NRG3: variants seen among roughly 807,000 people sequenced by gnomAD.
The protein encoded by NRG3 is neuregulin 3, also known as pro-neuregulin-3, membrane-bound isoform.
NRG3 carries 31 observed loss-of-function variants against 66.9 expected under a neutral mutation model. The observed-to-expected ratio is 0.46, with a 90% CI of 0.35 to 0.63. The LOEUF is 0.63. NRG3 is among the 20% of genes least tolerant of loss of function. NRG3 has a pLI of 0.00. For missense variants in NRG3, 910 were observed against 878.9 expected, an observed-to-expected ratio of 1.04 and a Z score of -0.45; for synonymous variants, 393 against 359.4, an observed-to-expected ratio of 1.09 and a Z score of -1.06.
At chr10:82,833,523 C>T (rs1268745804) in intron 3 of NRG3, among the ~76,000 whole-genome samples, 1 of 152,150 alleles carries the variant, frequency 6.6e-6, no homozygotes, top group East Asian at 1.9e-4. Flanking sequence ...CCTGGCCTCC[C>T]ACCAGTTGCC....
In NRG3 at chr10:82,403,304, G is replaced by A. The variant is rs189154138; in HGVS notation, c.953+44436G>A. The stretch of plus-strand genomic sequence containing the variant: ...GGGAATAGGGTCCAGATTGTCATCC[G>A]CATCTTGTCTTCAGCAGCAAAAAAA... On this transcript the variant is annotated intron_variant, in intron 2 of 8. Coordinates refer to ENST00000372141, the MANE Select transcript of NRG3 (RefSeq NM_001010848.4). Among the ~76,000 whole-genome samples the A allele has an allele frequency of 3.5e-4, 53 of 152,118 alleles. No individual in the cohort carries two copies. The South Asian group carries it at 6.4e-3, about 18-fold the overall frequency.
intron 2 of NRG3, among the ~76,000 whole-genome samples, chr10:82,678,276 C>T (rs912559553): frequency 1.3e-5 from 2 of 151,644 alleles, no homozygotes; most frequent in Non-Finnish European, 2.9e-5. Context: ...GGGTTGAGTC[C>T]GAAAAAGAGA....
rs112294984 is a variant in NRG3 at position 82,276,432 on chromosome 10, A to G, written c.824-82307A>G. On this transcript the variant is annotated intron_variant, in intron 1 of 8. Transcript: ENST00000372141. ...AAGGAAAAGGAATTTTTGTGTTTTC[A>G]TAAGTTATTGTATAATTGGCTGACA... Among the ~76,000 whole-genome samples, 1,278 of 152,146 alleles carry G rather than the reference A, an allele frequency of 8.4e-3. 12 individuals are homozygous for G. The highest frequency in any genetic ancestry group is 0.029 in the African/African-American group (1,215 of 41,564).
chr10:82,356,159 GCGGTAACCA>G (rs1426318854), intron 1 of NRG3, among the ~76,000 whole-genome samples: 1 of 152,146 alleles, frequency 6.6e-6, no homozygotes, highest in African/African-American at 2.4e-5. Context: ...GTAGAATGGG[GCGGTAACCA>G]CTAGAGATAG....
intron 1 of NRG3, among the ~76,000 whole-genome samples, chr10:81,997,646 A>C (rs2060992234): frequency 6.6e-6 from 1 of 152,060 alleles, no homozygotes; most frequent in African/African-American, 2.4e-5. Flanking sequence ...GATAATATGC[A>C]TGTCACAGGG....
chr10:82,028,449 C>A (rs1207959510), intron 1 of NRG3, among the ~76,000 whole-genome samples: 1 of 152,036 alleles, frequency 6.6e-6, no homozygotes, highest in East Asian at 1.9e-4. Context: ...GTTCTTATTG[C>A]GACACTTCTT....
chr10:82,756,826 T>C (rs565998275), intron 3 of NRG3, among the ~76,000 whole-genome samples: 13 of 152,096 alleles, frequency 8.5e-5, no homozygotes, highest in African/African-American at 3.1e-4. Context: ...TACTGTTTTT[T>C]TTTTTTTCTT....
intron 4 of NRG3, among the ~76,000 whole-genome samples, chr10:82,868,839 C>A (rs1179302595): frequency 6.6e-6 from 1 of 152,032 alleles, no homozygotes; most frequent in South Asian, 2.1e-4. Flanking sequence ...ATTACAGGCG[C>A]CTGCCACCAC....
At chr10:82,071,745 A>G (rs1222169234) in intron 1 of NRG3, among the ~76,000 whole-genome samples, 1 of 152,220 alleles carries the variant, frequency 6.6e-6, no homozygotes, top group Non-Finnish European at 1.5e-5. Flanking sequence ...CACTGTGTCA[A>G]GAATTGGCTG....
chr10:82,505,551 A>C (rs1844589407), intron 2 of NRG3, among the ~76,000 whole-genome samples: 1 of 152,164 alleles, frequency 6.6e-6, no homozygotes, highest in Admixed American at 6.5e-5. Context: ...TCTGTCACTC[A>C]CTAGCTGTTG....
intron 2 of NRG3, among the ~76,000 whole-genome samples, chr10:82,554,992 G>T (rs1240885165): frequency 6.6e-6 from 1 of 152,058 alleles, no homozygotes; most frequent in Admixed American, 6.6e-5. Flanking sequence ...GAAATGTTTT[G>T]CCTTCCTCCA....
chr10:82,219,375 C>T (rs560270195), intron 1 of NRG3, among the ~76,000 whole-genome samples: 4 of 150,910 alleles, frequency 2.7e-5, no homozygotes, highest in East Asian at 3.9e-4. Context: ...CATCCAAACT[C>T]GAGATTCGCT....
At chr10:81,885,629 C>A (rs759599812) in intron 1 of NRG3, among the ~76,000 whole-genome samples, 12 of 152,220 alleles carry the variant, frequency 7.9e-5, no homozygotes, top group Non-Finnish European at 1.8e-4. Context: ...GTTACTTTTA[C>A]AAACTTATAA....
At chr10:82,405,404 CAG>C (rs1564884799) in intron 2 of NRG3, among the ~76,000 whole-genome samples, 1 of 150,384 alleles carries the variant, frequency 6.6e-6, no homozygotes, top group African/African-American at 2.5e-5. Context: ...AATGGCATGA[CAG>C]AGATTGTTCA....
intron 1 of NRG3, among the ~76,000 whole-genome samples, chr10:82,238,365 G>A (rs755745039): frequency 1.1e-3 from 166 of 152,040 alleles, no homozygotes; most frequent in Non-Finnish European, 5.3e-4. Context: ...AAAATATTAC[G>A]TTTTTACTCA....
intron 1 of NRG3, among the ~76,000 whole-genome samples, chr10:82,015,807 T>G (rs556758749): frequency 6.6e-6 from 1 of 152,022 alleles, no homozygotes; most frequent in African/African-American, 2.4e-5. Flanking sequence ...ATGGCATAAT[T>G]TAATTTCTCT....
At chr10:82,188,716 T>C (rs891303490) in intron 1 of NRG3, among the ~76,000 whole-genome samples, 1 of 152,126 alleles carries the variant, frequency 6.6e-6, no homozygotes, top group East Asian at 1.9e-4. Flanking sequence ...TCAACATCAT[T>C]GATCATCAAA....
At chr10:82,658,032 T>C (rs1168077608) in intron 2 of NRG3, among the ~76,000 whole-genome samples, 1 of 152,126 alleles carries the variant, frequency 6.6e-6, no homozygotes, top group Non-Finnish European at 1.5e-5. Flanking sequence ...GAAGGAAATA[T>C]TATCTAACTA....
intron 3 of NRG3, among the ~76,000 whole-genome samples, chr10:82,742,906 T>C (rs1011780525): frequency 3.3e-5 from 5 of 151,980 alleles, no homozygotes; most frequent in Admixed American, 3.3e-4. Context: ...TTTTTCTCCA[T>C]CTCCCCTCTC....
Sources: gnomAD v4.1 joint callset for allele counts (sites outside exome capture counted in the v4.1 genomes callset) on GRCh38, gnomAD v4.1.1 for gene constraint, MANE v1.5 for transcripts, NCBI Gene and HGNC (gene_info 2026-07-23, HGNC 2026-07-21) for gene names.